Variants in ELOVL4 observed in about 807,000 individuals in gnomAD.
ELOVL4 encodes the protein ELOVL fatty acid elongase 4, also known as very long chain fatty acid elongase 4.
A neutral mutation model predicts 42.1 loss-of-function variants in ELOVL4; 18 were observed. The observed-to-expected ratio is 0.43, with a 90% CI of 0.30 to 0.63. The LOEUF is 0.63. Ranked by LOEUF, ELOVL4 falls within the 30% of genes least tolerant of loss-of-function variation. The pLI is 0.15. For missense variants in ELOVL4, 299 were observed against 376.2 expected (o/e 0.79, Z 1.70); for synonymous variants, 117 against 127.0 (o/e 0.92, Z 0.53).
rs2127697293 is a variant in ELOVL4 at position 79,915,143 on chromosome 6, T to C, written c.*1465A>G. ...AGCTTTGACATGTTGTTGAGATACTTAAGAAATATTCATGCTTTTTTTTGG... is the reference window on the plus strand; with the variant it reads ...AGCTTTGACATGTTGTTGAGATACTCAAGAAATATTCATGCTTTTTTTTGG... On this transcript the variant is annotated 3_prime_UTR_variant, in exon 6 of 6. Coordinates refer to ENST00000369816, the MANE Select transcript of ELOVL4 (RefSeq NM_022726.4). 1 of 152,588 alleles carries C rather than the reference T, an allele frequency of 6.6e-6. No individual in the cohort carries two copies. The highest frequency in any genetic ancestry group is 3.4e-3 in the Middle Eastern group (1 of 294). The allele number at this position is 152,588 out of a possible 1,614,324, so 9.5% of individuals were successfully genotyped here. A position where few individuals can be genotyped will look rare whatever the true frequency, so the allele number is the denominator to read the frequency against.
Position 79,947,433 on chromosome 6 carries a change from C to A in ELOVL4, c.-154G>T, listed in dbSNP as rs763657279. 53 of 659,410 alleles carry A rather than the reference C, an allele frequency of 8.0e-5. No homozygotes were observed. The highest frequency in any genetic ancestry group is 1.2e-4 in the Non-Finnish European group (45 of 371,856). 40.8% of individuals were successfully genotyped at this position (659,410 alleles called of 1,614,324 possible). A position where few individuals can be genotyped will look rare whatever the true frequency, so the allele number is the denominator to read the frequency against. On this transcript the variant is annotated 5_prime_UTR_variant, in exon 1 of 6. Coordinates refer to ENST00000369816, the MANE Select transcript of ELOVL4 (RefSeq NM_022726.4). ...CGTCTTCTCCTGCTCCTCAAGGCGC[C>A]GCGGCGGCGGGGATGCGGCAGAAGG... is the stretch of plus-strand genomic sequence containing the variant.
chr6:79,924,609 G>A (rs930909984), intron 3 of ELOVL4, among the ~76,000 whole-genome samples: 15 of 152,196 alleles, frequency 9.9e-5, no homozygotes, highest in African/African-American at 3.6e-4. Flanking sequence ...GCTGAGGCAA[G>A]AGGATCCCTT....
chr6:79,941,861 G>A lies in ELOVL4; in HGVS notation c.100+5319C>T, dbSNP rs560896494. Among the ~76,000 whole-genome samples the A allele has an allele frequency of 1.1e-3, 174 of 152,306 alleles. 5 individuals carry two copies. The South Asian group carries it at 0.033, about 29-fold the overall frequency. ...ATATGTGATAATCTCTGATGTTGGA[G>A]AGAAAGATACAAAGGAGTGAAGTGG... On this transcript the variant is annotated intron_variant, in intron 1 of 5. Transcript: ENST00000369816.
At chr6:79,944,442 G>A (rs1462646422) in intron 1 of ELOVL4, among the ~76,000 whole-genome samples, 1 of 152,096 alleles carries the variant, frequency 6.6e-6, no homozygotes, top group Non-Finnish European at 1.5e-5. Flanking sequence ...TACAAATACA[G>A]AGAAATAAAA....
chr6:79,947,445 G>A lies in ELOVL4; in HGVS notation c.-166C>T. On this transcript the variant is annotated 5_prime_UTR_variant, in exon 1 of 6. Coordinates refer to ENST00000369816, the MANE Select transcript of ELOVL4 (RefSeq NM_022726.4). ...CTCCTCAAGGCGCCGCGGCGGCGGG[G>A]ATGCGGCAGAAGGCAGGGCCAAGCG... is the stretch of plus-strand genomic sequence containing the variant. The A allele has an allele frequency of 1.5e-6, 1 of 647,310 alleles. No homozygotes were observed. Among genetic ancestry groups the A allele is most frequent in the South Asian group, 1.7e-5 (1 of 57,438 alleles). 40.1% of individuals were successfully genotyped at this position (647,310 alleles called of 1,614,324 possible).
At chr6:79,923,135 C>T (rs760329861) in intron 3 of ELOVL4, among the ~76,000 whole-genome samples, 2 of 152,130 alleles carry the variant, frequency 1.3e-5, no homozygotes, top group Non-Finnish European at 2.9e-5. Context: ...AATAAGTCTG[C>T]TTAGTTTGCA....
At chr6:79,925,462 T>C (rs1228906098) in intron 2 of ELOVL4, among the ~76,000 whole-genome samples, 2 of 152,180 alleles carry the variant, frequency 1.3e-5, no homozygotes, top group African/African-American at 4.8e-5. Context: ...AGTAAAGAAA[T>C]ATTTCTTTTT....
At chr6:79,930,014 C>T (rs1774416494) in intron 1 of ELOVL4, among the ~76,000 whole-genome samples, 1 of 152,324 alleles carries the variant, frequency 6.6e-6, no homozygotes, top group Non-Finnish European at 1.5e-5. Flanking sequence ...TGTTGATATT[C>T]AAGGTTTCCT....
intron 1 of ELOVL4, among the ~76,000 whole-genome samples, chr6:79,941,276 T>G (rs1774640116): frequency 6.6e-6 from 1 of 152,110 alleles, no homozygotes; most frequent in Non-Finnish European, 1.5e-5. Context: ...AAGGAACTTG[T>G]CCAAACTCTC....
intron 1 of ELOVL4, among the ~76,000 whole-genome samples, chr6:79,941,387 C>T (rs1561991117): frequency 1.3e-5 from 2 of 152,186 alleles, no homozygotes; most frequent in African/African-American, 2.4e-5. Flanking sequence ...CTCACTTCCA[C>T]ACAAGGCAAT....
chr6:79,945,553 G>A (rs1003389302), intron 1 of ELOVL4, among the ~76,000 whole-genome samples: 1 of 152,136 alleles, frequency 6.6e-6, no homozygotes, highest in Non-Finnish European at 1.5e-5. Flanking sequence ...TGACAGGACC[G>A]AGAACTCCTG....
At chr6:79,940,344 GA>G (rs1178615181) in intron 1 of ELOVL4, among the ~76,000 whole-genome samples, 6 of 152,056 alleles carry the variant, frequency 3.9e-5, no homozygotes, top group South Asian at 4.1e-4. Context: ...ATTTCATGAA[GA>G]AAAATATATG....
chr6:79,932,658 T>C (rs1446784588), intron 1 of ELOVL4, among the ~76,000 whole-genome samples: 1 of 152,190 alleles, frequency 6.6e-6, no homozygotes, highest in African/African-American at 2.4e-5. Flanking sequence ...CATAGCATGG[T>C]GGAATAGATG....
intron 1 of ELOVL4, among the ~76,000 whole-genome samples, chr6:79,936,343 C>T (rs1264600298): frequency 6.6e-6 from 1 of 151,994 alleles, no homozygotes; most frequent in Non-Finnish European, 1.5e-5. Flanking sequence ...CTACTGATCA[C>T]CACTAATATA....
chr6:79,921,042 G>A (rs1010937775), intron 4 of ELOVL4, among the ~76,000 whole-genome samples: 8 of 152,050 alleles, frequency 5.3e-5, no homozygotes, highest in Non-Finnish European at 7.4e-5. Flanking sequence ...TACTAGACCC[G>A]TTCCCCATCA....
At chr6:79,931,849 T>A (rs986991628) in intron 1 of ELOVL4, among the ~76,000 whole-genome samples, 3 of 152,196 alleles carry the variant, frequency 2.0e-5, no homozygotes, top group African/African-American at 7.2e-5. Flanking sequence ...TTCTAACCAG[T>A]GGGTCTTTCC....
chr6:79,928,124 G>C (rs1340510933), intron 1 of ELOVL4, among the ~76,000 whole-genome samples: 1 of 151,932 alleles, frequency 6.6e-6, no homozygotes, highest in Non-Finnish European at 1.5e-5. Flanking sequence ...GAAAAAAAAA[G>C]ATTTAGACAA....
intron 1 of ELOVL4, among the ~76,000 whole-genome samples, chr6:79,931,281 T>C (rs995931583): frequency 6.6e-6 from 1 of 152,186 alleles, no homozygotes; most frequent in Non-Finnish European, 1.5e-5. Context: ...CACGTTGTCA[T>C]GTAAACCTTT....
At chr6:79,944,201 T>C (rs1774697922) in intron 1 of ELOVL4, among the ~76,000 whole-genome samples, 1 of 152,226 alleles carries the variant, frequency 6.6e-6, no homozygotes, top group African/African-American at 2.4e-5. Flanking sequence ...GATTGGGGAA[T>C]ATTTAGATTC....
Sources: allele counts gnomAD v4.1 joint callset (sites outside exome capture counted in the v4.1 genomes callset), GRCh38; gene constraint gnomAD v4.1.1; transcripts MANE v1.5; gene names NCBI Gene and HGNC (gene_info 2026-07-23, HGNC 2026-07-21).